The following RXFP2 variants were observed in gnomAD, a reference collection of about 807,000 sequenced individuals.
RXFP2 encodes the protein relaxin receptor 2.
A neutral mutation model predicts 88.6 loss-of-function variants in RXFP2; 68 were observed. The observed-to-expected ratio is 0.77, with a 90% CI of 0.63 to 0.94. The LOEUF (loss-of-function observed/expected upper bound fraction) is 0.94. RXFP2 is among the 40% of genes least tolerant of loss of function. RXFP2 has a pLI of 0.00. For synonymous variants in RXFP2, 329 were observed against 306.8 expected, an observed-to-expected ratio of 1.07 and a Z score of -0.76; for missense variants, 791 against 893.9, an observed-to-expected ratio of 0.88 and a Z score of 1.47.
chr13:31,797,946 G>GA (rs1170633120), intron 17 of RXFP2, among the ~76,000 whole-genome samples: 1 of 152,134 alleles, frequency 6.6e-6, no homozygotes, highest in Non-Finnish European at 1.5e-5. Context: ...TTCAACCAGA[G>GA]AAAATCACCT....
chr13:31,755,819 T>G, intron 1 of RXFP2, among the ~76,000 whole-genome samples: 1 of 152,194 alleles, frequency 6.6e-6, no homozygotes. Flanking sequence ...CATCCACTAC[T>G]GCAGCAATAG....
intron 1 of RXFP2, among the ~76,000 whole-genome samples, chr13:31,752,704 G>A (rs1165711840): frequency 6.6e-6 from 1 of 152,136 alleles, no homozygotes; most frequent in Non-Finnish European, 1.5e-5. Context: ...ACTCTTCGCA[G>A]AAGTAGGGGC....
intron 1 of RXFP2, among the ~76,000 whole-genome samples, chr13:31,751,581 G>C (rs1244566124): frequency 1.3e-5 from 2 of 152,160 alleles, no homozygotes; most frequent in African/African-American, 4.8e-5. Context: ...CTGGGATGCA[G>C]GTACATTCGT....
At position 31,774,755 on chromosome 13, in the gene RXFP2, T is replaced by C; in HGVS notation, c.569+64T>C. ...AGCAAAGACTAAAAGGATAGAATGG[T>C]ACTTTTTCAAGGCTCGACTTGATTG... On this transcript the variant is annotated intron_variant, in intron 6 of 17. Coordinates refer to ENST00000298386, the MANE Select transcript of RXFP2 (RefSeq NM_130806.5). 3 of 905,450 alleles carry C rather than the reference T, an allele frequency of 3.3e-6. No homozygotes were observed. In the Admixed American group the frequency reaches 5.1e-5, roughly 15 times the overall value. 56.1% of individuals were successfully genotyped at this position (905,450 alleles called of 1,614,324 possible). A position where few individuals can be genotyped will look rare whatever the true frequency, so the allele number is the denominator to read the frequency against.
At chr13:31,790,465 C>A (rs1873741174) in intron 14 of RXFP2, among the ~76,000 whole-genome samples, 1 of 152,192 alleles carries the variant, frequency 6.6e-6, no homozygotes, top group Non-Finnish European at 1.5e-5. Flanking sequence ...TACTTGAAGG[C>A]AAGAATTGCC....
At chr13:31,748,786 A>T (rs1871534759) in intron 1 of RXFP2, among the ~76,000 whole-genome samples, 1 of 152,164 alleles carries the variant, frequency 6.6e-6, no homozygotes, top group African/African-American at 2.4e-5. Flanking sequence ...GGAGATCGAG[A>T]CCTACCTGGC....
chr13:31,740,967 C>T (rs927470717), intron 1 of RXFP2, among the ~76,000 whole-genome samples: 1 of 151,960 alleles, frequency 6.6e-6, no homozygotes, highest in African/African-American at 2.4e-5. Context: ...AGCTACAAAG[C>T]AGGTTCTTAA....
chr13:31,778,461 C>A, intron 8 of RXFP2, 51 bp from the exon 9 acceptor site: 1 of 1,248,854 alleles, frequency 8.0e-7, no homozygotes, highest in Non-Finnish European at 1.2e-6. Flanking sequence ...AAAGACTGTC[C>A]TAAAAGTGTC....
At chr13:31,766,179 G>T (rs1872543369) in intron 5 of RXFP2, 152 bp downstream of exon 5, 1 of 594,298 alleles carries the variant, frequency 1.7e-6, no homozygotes, top group Non-Finnish European at 3.0e-6. Context: ...ACATTTGAAA[G>T]TATGTTATCT....
At chr13:31,767,474 C>A (rs1872591947) in intron 5 of RXFP2, among the ~76,000 whole-genome samples, 1 of 152,090 alleles carries the variant, frequency 6.6e-6, no homozygotes. Flanking sequence ...TTAGATGAAT[C>A]AATATTGTCT....
Position 31,758,342 on chromosome 13 carries a change from C to T in RXFP2, c.179C>T (p.Pro60Leu). The T allele has an allele frequency of 6.2e-7, 1 of 1,614,088 alleles. No homozygotes were observed. Among genetic ancestry groups the T allele is most frequent in the Non-Finnish European group, 8.5e-7 (1 of 1,179,998 alleles). ...TGTGGGAATCTTACCAAGTGCTTAC[C>T]CCGAGCTTTTCACTGTGATGGCAAG... ...FPCGNLTKCL[P>L]RAFHCDGKDD... Residue 60 changes from proline (P) to leucine (L), a missense_variant, in exon 2 of 18, where the codon CCC becomes CTC. Coordinates refer to ENST00000298386, the MANE Select transcript of RXFP2 (RefSeq NM_130806.5).
chr13:31,795,262 G>A (rs118176159), intron 16 of RXFP2, among the ~76,000 whole-genome samples: 4,897 of 151,338 alleles, frequency 0.032, 146 homozygotes, highest in South Asian at 0.16. Flanking sequence ...TGATTATTTC[G>A]CCTCAGACTC....
chr13:31,768,916 C>G (rs868649775), intron 5 of RXFP2, among the ~76,000 whole-genome samples: 69 of 152,252 alleles, frequency 4.5e-4, no homozygotes, highest in Admixed American at 5.2e-4. Flanking sequence ...GTGGCAAATA[C>G]CAAACCATCC....
rs755507660 is a variant in RXFP2, at chr13:31,765,025, T to G, written c.320-12T>G. 4.2e-6 allele frequency: 6 copies of G among 1,418,730 alleles called. No homozygotes were observed. The highest frequency in any genetic ancestry group is 4.0e-6 in the Non-Finnish European group (4 of 1,002,442). The allele number at this position is 1,418,730 out of a possible 1,614,324, so 87.9% of individuals were successfully genotyped here. On this transcript the variant is annotated splice_polypyrimidine_tract_variant and intron_variant, in intron 3 of 17. Coordinates refer to ENST00000298386, the MANE Select transcript of RXFP2 (RefSeq NM_130806.5). ...GTTTACTAGTGAAATCTTACTCTTT[T>G]TGTCCCATTAGTTCTAAAACAGTAT...
At chr13:31,777,195 G>T (rs531015654) in intron 7 of RXFP2, among the ~76,000 whole-genome samples, 181 bp from the exon 8 acceptor site, 5 of 152,284 alleles carry the variant, frequency 3.3e-5, no homozygotes, top group African/African-American at 9.6e-5. Context: ...TGGGATGGAA[G>T]CTGTAGGAAT....
intron 14 of RXFP2, among the ~76,000 whole-genome samples, chr13:31,790,298 G>T (rs1161173746): frequency 2.0e-5 from 3 of 152,114 alleles, no homozygotes; most frequent in Non-Finnish European, 4.4e-5. Context: ...ATGCTAGACG[G>T]TTCTATCTGA....
intron 1 of RXFP2, among the ~76,000 whole-genome samples, chr13:31,746,597 ATTTGGGGCCAGATTCTACTTCTTATT>A (rs1871428576): frequency 6.6e-6 from 1 of 152,132 alleles, no homozygotes; most frequent in Non-Finnish European, 1.5e-5. Flanking sequence ...ATCTCTTCTG[ATTTGGGGCCAGATTCTACTTCTTATT>A]CATCACCTGG....
intron 5 of RXFP2, among the ~76,000 whole-genome samples, chr13:31,768,700 A>G (rs1428486825): frequency 6.6e-6 from 1 of 152,148 alleles, no homozygotes; most frequent in Admixed American, 6.6e-5. Flanking sequence ...ATACTCAAAT[A>G]TCCTAGAGCA....
chr13:31,786,675 A>C, intron 13 of RXFP2, 38 bp downstream of exon 13: 1 of 1,264,620 alleles, frequency 7.9e-7, no homozygotes, highest in Non-Finnish European at 1.2e-6. Flanking sequence ...TTATAATTTT[A>C]GTGGATGTAC....
Sources: allele counts gnomAD v4.1 joint callset (sites outside exome capture counted in the v4.1 genomes callset), GRCh38; gene constraint gnomAD v4.1.1; transcripts MANE v1.5; gene names NCBI Gene and HGNC (gene_info 2026-07-23, HGNC 2026-07-21).